The following ASIC2 variants were observed in gnomAD, a reference collection of about 807,000 sequenced individuals.
ASIC2 encodes the protein acid sensing ion channel subunit 2.
In ASIC2, 25 loss-of-function variants were observed where a neutral mutation model predicts 57.3. The observed-to-expected ratio is 0.44, with a 90% CI of 0.32 to 0.61. The LOEUF is 0.61. Among genes scored for constraint, ASIC2 ranks in the 20% least tolerant of loss-of-function variants. The probability of loss-of-function intolerance (pLI) is 0.06; values close to 1 mark genes in which losing one functional copy is unlikely to be tolerated. For synonymous variants in ASIC2, 319 were observed against 307.5 expected (o/e 1.04, Z -0.39); for missense variants, 641 against 738.1 (o/e 0.87, Z 1.52).
At position 33,755,395 on chromosome 17, in the gene ASIC2, AT is replaced by A. The variant is rs1311620668; in HGVS notation, c.555+400582del. Among the ~76,000 whole-genome samples the A allele has an allele frequency of 2.7e-4, 41 of 152,328 alleles. 1 individual carries two copies. The highest frequency in any genetic ancestry group is 1.0e-3 in the Admixed American group (16 of 15,300). ...TTGTGTTAAAGCCTCTCAGTTCCTG[AT>A]GTGTTACAATAGCAACAGGAAACGA... On this transcript the variant is annotated intron_variant, in intron 1 of 9. Transcript: ENST00000359872.
rs529838274 is a variant in ASIC2, at chr17:33,138,854, C to T, written c.709-26787G>A. ...TTAAAAAAATGCATATTTTAACTGG[C>T]TGCCTTTTCTGTCTCCAAGTCCAGG... On this transcript the variant is annotated intron_variant, in intron 1 of 9. Coordinates refer to ENST00000225823, the MANE Select transcript of ASIC2 (RefSeq NM_183377.2). Among the ~76,000 whole-genome samples, 31 of 152,336 alleles carry T rather than the reference C, an allele frequency of 2.0e-4. No homozygotes were observed. The South Asian group carries it at 6.4e-3, about 32-fold the overall frequency.
chr17:33,872,143 G>T (rs1341286767), intron 1 of ASIC2, among the ~76,000 whole-genome samples: 4 of 152,138 alleles, frequency 2.6e-5, no homozygotes, highest in East Asian at 1.9e-4. Context: ...CAGCAGAGAG[G>T]GGGTGTAAAT....
intron 1 of ASIC2, among the ~76,000 whole-genome samples, chr17:33,388,766 T>C (rs1419102884): frequency 1.3e-5 from 2 of 152,180 alleles, no homozygotes; most frequent in Non-Finnish European, 2.9e-5. Flanking sequence ...TGCCCCACAA[T>C]TTCAGTGACT....
chr17:33,402,186 G>T (rs1006779987), intron 1 of ASIC2, among the ~76,000 whole-genome samples: 2 of 152,050 alleles, frequency 1.3e-5, no homozygotes, highest in Non-Finnish European at 2.9e-5. Context: ...CTGCATGGAG[G>T]GCTCCATGCA....
At chr17:34,042,736 CT>C (rs777673003) in intron 1 of ASIC2, among the ~76,000 whole-genome samples, 42 of 152,184 alleles carry the variant, frequency 2.8e-4, no homozygotes, top group Non-Finnish European at 4.6e-4. Context: ...AGTTTTAGTA[CT>C]TTTTATTGCT....
At position 33,931,788 on chromosome 17, in the gene ASIC2, G is replaced by A. The variant is rs925610092; in HGVS notation, c.555+224190C>T. ...GAGCTAGAAGGGCCTTCTGAACATG[G>A]GCCAGGCTCCATCAGTTTCAGAGCG... On this transcript the variant is annotated intron_variant, in intron 1 of 9. Coordinates refer to the ASIC2 transcript ENST00000359872. 3.9e-5 allele frequency among the ~76,000 whole-genome samples: 6 copies of A among 152,184 alleles called. No individual in the cohort carries two copies. In the South Asian group the frequency reaches 6.2e-4, roughly 16 times the overall value.
At chr17:33,489,047 C>T (rs1323415781) in intron 1 of ASIC2, among the ~76,000 whole-genome samples, 1 of 152,144 alleles carries the variant, frequency 6.6e-6, no homozygotes, top group East Asian at 1.9e-4. Context: ...CCCTGCCCTT[C>T]CAGCCTAAGA....
chr17:33,981,697 A>AG (rs904569852), intron 1 of ASIC2, among the ~76,000 whole-genome samples: 9 of 144,210 alleles, frequency 6.2e-5, no homozygotes, highest in Non-Finnish European at 1.2e-4. Flanking sequence ...GAAAGAAGGG[A>AG]GGGGGGGAAG....
At chr17:34,042,717 C>T (rs1049383552) in intron 1 of ASIC2, among the ~76,000 whole-genome samples, 2 of 151,988 alleles carry the variant, frequency 1.3e-5, no homozygotes, top group Admixed American at 6.6e-5. Flanking sequence ...TGAGCTGTTG[C>T]GGAGAAAGAG....
chr17:33,875,715 C>A (rs1333251011), intron 1 of ASIC2, among the ~76,000 whole-genome samples: 1 of 152,166 alleles, frequency 6.6e-6, no homozygotes, highest in Non-Finnish European at 1.5e-5. Flanking sequence ...ATGAATATGG[C>A]AGAATAAAAA....
At chr17:33,235,571 C>T (rs143788004) in intron 1 of ASIC2, among the ~76,000 whole-genome samples, 1,535 of 152,310 alleles carry the variant, frequency 0.01, 24 homozygotes, top group Non-Finnish European at 0.012. Flanking sequence ...GTAACCATAG[C>T]TCAGCTCCCT....
At chr17:33,844,247 T>C (rs753365142) in intron 1 of ASIC2, among the ~76,000 whole-genome samples, 5 of 152,214 alleles carry the variant, frequency 3.3e-5, no homozygotes, top group African/African-American at 9.6e-5. Flanking sequence ...AATTAAAATA[T>C]ATTAAAATGA....
chr17:33,113,849 A>G (rs2092270026), intron 1 of ASIC2, among the ~76,000 whole-genome samples: 1 of 152,216 alleles, frequency 6.6e-6, no homozygotes, highest in African/African-American at 2.4e-5. Context: ...TGAGATTCAA[A>G]TCTACATCTG....
intron 1 of ASIC2, among the ~76,000 whole-genome samples, chr17:33,973,724 T>C (rs951524947): frequency 5.3e-5 from 8 of 152,254 alleles, no homozygotes; most frequent in African/African-American, 1.7e-4. Flanking sequence ...CCACAGCCCA[T>C]CGTTTACACA....
intron 3 of ASIC2, among the ~76,000 whole-genome samples, chr17:33,060,469 G>A (rs1388041105): frequency 6.6e-6 from 1 of 152,142 alleles, no homozygotes; most frequent in Non-Finnish European, 1.5e-5. Flanking sequence ...ATGAAATAGT[G>A]TAGATGTGTG....
chr17:33,360,295 T>C (rs534979810), intron 1 of ASIC2, among the ~76,000 whole-genome samples: 3 of 152,292 alleles, frequency 2.0e-5, no homozygotes, highest in Admixed American at 2.0e-4. Context: ...ACGGCAACTG[T>C]AGTGAAGGTA....
chr17:33,697,571 C>A (rs1025459224), intron 1 of ASIC2, among the ~76,000 whole-genome samples: 1 of 152,182 alleles, frequency 6.6e-6, no homozygotes, highest in Non-Finnish European at 1.5e-5. Flanking sequence ...GGAAAGCCTA[C>A]TTCATTCACA....
chr17:33,917,252 C>T (rs1019073384), intron 1 of ASIC2, among the ~76,000 whole-genome samples: 1 of 152,184 alleles, frequency 6.6e-6, no homozygotes, highest in African/African-American at 2.4e-5. Flanking sequence ...ATGTGCCAGA[C>T]ATCATGCTCT....
At chr17:33,333,294 C>A (rs949798256) in intron 1 of ASIC2, among the ~76,000 whole-genome samples, 3 of 152,160 alleles carry the variant, frequency 2.0e-5, no homozygotes, top group East Asian at 1.9e-4. Context: ...AAGTTTCAGG[C>A]CTAGAGGTTC....
Sources: allele counts gnomAD v4.1 joint callset (sites outside exome capture counted in the v4.1 genomes callset), GRCh38; gene constraint gnomAD v4.1.1; transcripts MANE v1.5; gene names NCBI Gene and HGNC (gene_info 2026-07-23, HGNC 2026-07-21).